GABPB2: variants seen among roughly 807,000 people sequenced by gnomAD.
GABPB2 encodes the protein GA-binding protein subunit beta-2.
Under a neutral mutation model 39.1 loss-of-function variants are expected in GABPB2, and 23 were observed. The observed-to-expected ratio is 0.59, with a 90% CI of 0.42 to 0.83. The LOEUF is 0.83. Ranked by LOEUF, GABPB2 falls within the 40% of genes least tolerant of loss-of-function variation. The pLI, the probability that GABPB2 is intolerant of heterozygous loss-of-function variation, is 0.00. For synonymous variants in GABPB2, 184 were observed against 199.3 expected (o/e 0.92, Z 0.65); for missense variants, 467 against 541.1 (o/e 0.86, Z 1.36).
In GABPB2 at chr1:151,097,899, T is replaced by C. The variant is rs779602717; in HGVS notation, c.519T>C (p.Pro173=). The C allele has an allele frequency of 6.2e-7, 1 of 1,614,036 alleles. No homozygotes were observed. The highest frequency in any genetic ancestry group is 2.2e-5 in the East Asian group (1 of 44,876). Reference sequence around the variant, plus strand: ...ATGTTAATCCAGAGAGAGCCAACCCTGTGACTGACCCTGTGAGTATGGCTG... The same window carrying C: ...ATGTTAATCCAGAGAGAGCCAACCCCGTGACTGACCCTGTGAGTATGGCTG... The part of the protein sequence containing the change: ...QVNVNPERAN[P]VTDPVSMAAP... The change falls in exon 5 of 9, where the codon CCT becomes CCC. Residue 173 remains proline, a synonymous_variant. Coordinates refer to ENST00000368918, the MANE Select transcript of GABPB2 (RefSeq NM_144618.3).
intron 4 of GABPB2, among the ~76,000 whole-genome samples, chr1:151,094,288 G>A (rs1176173119): frequency 6.6e-6 from 1 of 151,618 alleles, no homozygotes; most frequent in African/African-American, 2.4e-5. Context: ...CTAACTTCAG[G>A]TGATCCACCT....
chr1:151,080,013 A>G (rs12040729), intron 1 of GABPB2, among the ~76,000 whole-genome samples: 119,189 of 151,706 alleles, frequency 0.79, 47,017 homozygotes, highest in East Asian at 0.91. Flanking sequence ...TCAGGAGTTC[A>G]AGACCAGCCT....
chr1:151,100,882 C>G (rs1679465841), intron 5 of GABPB2, among the ~76,000 whole-genome samples: 1 of 152,022 alleles, frequency 6.6e-6, no homozygotes, highest in African/African-American at 2.4e-5. Context: ...GCCACCGTGC[C>G]TGGCCCTGAC....
At chr1:151,076,645 G>T (rs982430372) in intron 1 of GABPB2, among the ~76,000 whole-genome samples, 2 of 151,888 alleles carry the variant, frequency 1.3e-5, no homozygotes, top group Non-Finnish European at 2.9e-5. Context: ...GGCCAGGCTG[G>T]TCTCGAACAC....
intron 1 of GABPB2, among the ~76,000 whole-genome samples, chr1:151,074,053 T>C (rs1282077694): frequency 6.7e-6 from 1 of 148,956 alleles, no homozygotes; most frequent in Non-Finnish European, 1.5e-5. Context: ...CTCGGCTCGC[T>C]GCAAGCTCCG....
At chr1:151,087,912 G>A (rs773373563) in intron 1 of GABPB2, among the ~76,000 whole-genome samples, 14 of 151,930 alleles carry the variant, frequency 9.2e-5, no homozygotes, top group Non-Finnish European at 1.6e-4. Context: ...GTGTTTTATC[G>A]ATTCCTTAAA....
intron 7 of GABPB2, among the ~76,000 whole-genome samples, chr1:151,114,889 A>G (rs187853016): frequency 6.6e-6 from 1 of 151,634 alleles, no homozygotes; most frequent in African/African-American, 2.4e-5. Flanking sequence ...AGGCACCTGT[A>G]ATCCCAGCTA....
chr1:151,112,928 G>A (rs587643680), intron 7 of GABPB2, among the ~76,000 whole-genome samples: 26 of 151,036 alleles, frequency 1.7e-4, no homozygotes, highest in Admixed American at 8.6e-4. Context: ...GCACCACCAC[G>A]CCTGGCTAAT....
chr1:151,114,913 G>A (rs1212328067), intron 7 of GABPB2, among the ~76,000 whole-genome samples: 6 of 152,178 alleles, frequency 3.9e-5, no homozygotes, highest in African/African-American at 1.4e-4. Flanking sequence ...GGGAGGCTGA[G>A]GTAGGAGAAT....
Position 151,103,627 on chromosome 1 carries a change from G to T in GABPB2, c.688G>T (p.Ala230Ser). The T allele has an allele frequency of 6.2e-7, 1 of 1,614,174 alleles. No individual in the cohort carries two copies. The highest frequency in any genetic ancestry group is 8.5e-7 in the Non-Finnish European group (1 of 1,180,006). Reference sequence around the variant, plus strand: ...CACCTCAGTGCTGGCTACCCTTGCAGCTCTTGCTGAGGCATCAGTCCCCCT... The same window carrying T: ...CACCTCAGTGCTGGCTACCCTTGCATCTCTTGCTGAGGCATCAGTCCCCCT... ...STTSVLATLAALAEASVPLSN... is the reference protein window; with the variant it reads ...STTSVLATLASLAEASVPLSN... Residue 230 changes from alanine to serine, a missense_variant, in exon 6 of 9, where the codon GCT (alanine) becomes TCT (serine). Coordinates refer to ENST00000368918, the MANE Select transcript of GABPB2 (RefSeq NM_144618.3).
chr1:151,075,739 AAC>A (rs926908293), intron 1 of GABPB2, among the ~76,000 whole-genome samples: 9 of 151,846 alleles, frequency 5.9e-5, no homozygotes, highest in African/African-American at 1.9e-4. Context: ...AACCCAAAAA[AAC>A]ACAAAACAAA....
intron 1 of GABPB2, among the ~76,000 whole-genome samples, chr1:151,077,364 T>TTG (rs1435416641): frequency 6.8e-6 from 1 of 146,958 alleles, no homozygotes; most frequent in Non-Finnish European, 1.5e-5. Flanking sequence ...AGGTTTTTTT[T>TTG]TTTTTTTTTT....
At chr1:151,074,310 C>CTT (rs113264875) in intron 1 of GABPB2, among the ~76,000 whole-genome samples, 3 of 105,834 alleles carry the variant, frequency 2.8e-5, no homozygotes, top group Non-Finnish European at 4.0e-5. Context: ...CATGCTTCCG[C>CTT]TTTTTTTTTT....
intron 1 of GABPB2, among the ~76,000 whole-genome samples, chr1:151,078,758 G>C (rs1433983604): frequency 6.6e-6 from 1 of 151,948 alleles, no homozygotes; most frequent in Non-Finnish European, 1.5e-5. Context: ...TCCTGCCTCA[G>C]CCTCCTGAGT....
intron 6 of GABPB2, among the ~76,000 whole-genome samples, chr1:151,106,697 T>C (rs1175595162): frequency 6.6e-6 from 1 of 152,220 alleles, no homozygotes; most frequent in African/African-American, 2.4e-5. Context: ...TCACAATGTT[T>C]ATTAGCCTAT....
intron 7 of GABPB2, among the ~76,000 whole-genome samples, chr1:151,110,138 A>T (rs1170709094): frequency 6.9e-6 from 1 of 145,890 alleles, no homozygotes; most frequent in Non-Finnish European, 1.5e-5. Context: ...CTGGGATTAC[A>T]GGTGTGAGTC....
chr1:151,085,464 G>A (rs1013166283), intron 1 of GABPB2, among the ~76,000 whole-genome samples: 1 of 151,662 alleles, frequency 6.6e-6, no homozygotes, highest in Non-Finnish European at 1.5e-5. Context: ...TTTTTGAGAC[G>A]GAGTCTCGCT....
chr1:151,085,009 A>G (rs967739602), intron 1 of GABPB2, among the ~76,000 whole-genome samples: 28 of 152,058 alleles, frequency 1.8e-4, no homozygotes, highest in Admixed American at 1.7e-3. Flanking sequence ...CTGAGATGGA[A>G]TTGCTTGAGC....
intron 1 of GABPB2, among the ~76,000 whole-genome samples, chr1:151,074,585 C>T (rs1677011080): frequency 6.6e-6 from 1 of 151,612 alleles, no homozygotes; most frequent in Non-Finnish European, 1.5e-5. Flanking sequence ...TCCCAAAGTG[C>T]TGGGATTACA....
Sources: allele counts gnomAD v4.1 joint callset (sites outside exome capture counted in the v4.1 genomes callset), GRCh38; gene constraint gnomAD v4.1.1; transcripts MANE v1.5; gene names NCBI Gene and HGNC (gene_info 2026-07-23, HGNC 2026-07-21).